ACSL6: variants seen among roughly 807,000 people sequenced by gnomAD.
ACSL6 encodes the protein long-chain-fatty-acid--CoA ligase 6.
ACSL6 carries 47 observed loss-of-function variants against 98.2 expected under a neutral mutation model. The ratio of observed to expected loss-of-function variants is 0.48; its 90% CI spans 0.38 to 0.61. The LOEUF (loss-of-function observed/expected upper bound fraction) is 0.61, where lower values mean the gene tolerates loss of function less well. ACSL6 is among the 20% of genes least tolerant of loss of function. ACSL6 has a pLI of 0.00. For missense variants in ACSL6, 761 were observed against 913.4 expected, an observed-to-expected ratio of 0.83 and a Z score of 2.15; for synonymous variants, 362 against 336.9, an observed-to-expected ratio of 1.07 and a Z score of -0.82.
intron 16 of ACSL6, 116 bp from the exon 17 acceptor site, chr5:131,966,648 A>G: frequency 1.2e-6 from 1 of 869,304 alleles, no homozygotes; most frequent in Non-Finnish European, 1.9e-6. Context: ...GCCACTGTGG[A>G]TATGGCAGGG....
At chr5:131,998,349 C>T (rs1297747134) in intron 1 of ACSL6, among the ~76,000 whole-genome samples, 1 of 152,180 alleles carries the variant, frequency 6.6e-6, no homozygotes, top group Non-Finnish European at 1.5e-5. Context: ...CTGGAATATC[C>T]GACATCTTTT....
chr5:131,967,908 C>T, intron 16 of ACSL6, 32 bp downstream of exon 16: 1 of 1,594,546 alleles, frequency 6.3e-7, no homozygotes, highest in Middle Eastern at 1.7e-4. Context: ...CATGTAGCAG[C>T]CACAGGCATG....
chr5:132,007,807 A>T (rs747485686), intron 1 of ACSL6, among the ~76,000 whole-genome samples: 9 of 152,204 alleles, frequency 5.9e-5, no homozygotes, highest in Non-Finnish European at 7.3e-5. Flanking sequence ...GGCTGGATAC[A>T]CAGTGTAGCT....
In ACSL6 at chr5:131,990,978, A is replaced by C. The variant is rs1580680947; in HGVS notation, c.271-11T>G. The C allele has an allele frequency of 6.2e-7, 1 of 1,613,614 alleles. No homozygotes were observed. The highest frequency in any genetic ancestry group is 1.7e-5 in the Admixed American group (1 of 60,008). On this transcript the variant is annotated splice_polypyrimidine_tract_variant and intron_variant, in intron 2 of 20. Coordinates refer to ENST00000651883, the MANE Select transcript of ACSL6 (RefSeq NM_001009185.3). ...TGCCCCGCCACTGTCCTACAAGCCA[A>C]GCACCGGCCAGAGAAGTTGGCTGAG...
intron 20 of ACSL6, among the ~76,000 whole-genome samples, chr5:131,957,195 A>G (rs1752457546): frequency 6.6e-6 from 1 of 152,228 alleles, no homozygotes; most frequent in South Asian, 2.1e-4. Context: ...AAAAAAAACA[A>G]TTACATGAGT....
intron 4 of ACSL6, 77 bp from the exon 5 acceptor site, chr5:131,989,585 T>C: frequency 3.1e-5 from 1 of 32,012 alleles, no homozygotes; most frequent in Non-Finnish European, 4.7e-5. Flanking sequence ...GAGGAATTCT[T>C]TTTTTTTTTT....
At chr5:131,984,529 C>T (rs1472107713) in intron 9 of ACSL6, 1 of 152,306 alleles carries the variant, frequency 6.6e-6, no homozygotes, top group African/African-American at 2.4e-5. Context: ...AGGGCACAGG[C>T]CCTGGTGCTT....
intron 2 of ACSL6, among the ~76,000 whole-genome samples, chr5:131,992,146 G>C (rs1412611155): frequency 6.6e-6 from 1 of 152,176 alleles, no homozygotes; most frequent in Non-Finnish European, 1.5e-5. Flanking sequence ...CCCTGCATAG[G>C]CAGCACCACA....
intron 13 of ACSL6, among the ~76,000 whole-genome samples, chr5:131,972,340 C>T (rs938080946): frequency 6.6e-6 from 1 of 152,058 alleles, no homozygotes; most frequent in Admixed American, 6.5e-5. Flanking sequence ...AGATTTTGAA[C>T]CATTTGGCTA....
chr5:131,986,943 A>G, intron 7 of ACSL6, 89 bp from the exon 8 acceptor site: 1 of 1,325,856 alleles, frequency 7.5e-7, no homozygotes, highest in South Asian at 1.2e-5. Context: ...TCTCTCACAC[A>G]CGCACATACA....
chr5:131,962,989 C>T (rs1321487423), intron 17 of ACSL6, among the ~76,000 whole-genome samples: 1 of 152,054 alleles, frequency 6.6e-6, no homozygotes, highest in African/African-American at 2.4e-5. Flanking sequence ...TCACCTCCTC[C>T]TTCTTGGAGG....
chr5:131,988,278 GCAGGCAGCATGTGCCAGGCAGCACATGC>G, intron 6 of ACSL6, 52 bp from the exon 7 acceptor site: 1 of 1,595,050 alleles, frequency 6.3e-7, no homozygotes, highest in South Asian at 1.1e-5. Flanking sequence ...GGTCATGAGT[GCAGGCAGCATGTGCCAGGCAGCACATGC>G]CAGGCAGCAC....
At position 131,975,036 on chromosome 5, in the gene ACSL6, A is replaced by G. The variant is rs140009457; in HGVS notation, c.991-66T>C. The G allele has an allele frequency of 4.7e-4, 739 of 1,560,452 alleles. 11 individuals carry two copies. The East Asian group carries it at 0.016, about 34-fold the overall frequency. On this transcript the variant is annotated intron_variant, in intron 10 of 20. Coordinates refer to ENST00000651883, the MANE Select transcript of ACSL6 (RefSeq NM_001009185.3). ...CTGACAGGAAGACGACAAGAGAATC[A>G]TAAAACAATAAAGAGAAAATGGTCC...
At chr5:131,991,825 A>G (rs1339668216) in intron 2 of ACSL6, among the ~76,000 whole-genome samples, 1 of 151,610 alleles carries the variant, frequency 6.6e-6, no homozygotes, top group African/African-American at 2.4e-5. Flanking sequence ...TAAGGAAAAA[A>G]ACATCTGTGA....
At chr5:131,958,651 A>G (rs114606198) in intron 20 of ACSL6, among the ~76,000 whole-genome samples, 1,729 of 152,302 alleles carry the variant, frequency 0.011, 24 homozygotes, top group African/African-American at 0.039. Context: ...ACTAAAAAAT[A>G]AAAATTTTAA....
At chr5:132,008,455 C>T (rs1755533593) in intron 1 of ACSL6, among the ~76,000 whole-genome samples, 8 of 152,220 alleles carry the variant, frequency 5.3e-5, no homozygotes, top group Admixed American at 5.2e-4. Flanking sequence ...GGGGGCTTAT[C>T]TCTTCTCCTT....
intron 4 of ACSL6, 147 bp from the exon 5 acceptor site, chr5:131,989,655 G>T: frequency 1.6e-6 from 1 of 606,964 alleles, no homozygotes; most frequent in Non-Finnish European, 2.7e-6. Flanking sequence ...GAGTGCAATG[G>T]CACAATCTCT....
rs188600834 is a variant in ACSL6 at position 131,980,262 on chromosome 5, C to G, written c.917-3541G>C. ...GTCTTCCTGCTAAAGGCTCTCAAAT[C>G]TTTAGGTCTGAGTCTTACTTTTATC... On this transcript the variant is annotated intron_variant, in intron 9 of 20. Transcript: ENST00000651883. Among the ~76,000 whole-genome samples, 55 of 152,268 alleles carry G rather than the reference C, an allele frequency of 3.6e-4. No individual in the cohort carries two copies. In the East Asian group the frequency reaches 9.8e-3, roughly 27 times the overall value.
intron 9 of ACSL6, 54 bp downstream of exon 9, chr5:131,985,353 C>T (rs1754118511): frequency 1.2e-6 from 2 of 1,607,304 alleles, no homozygotes; most frequent in African/African-American, 2.7e-5. Flanking sequence ...CCTGCTAGGC[C>T]ACCAGGGAAG....
Sources: gnomAD v4.1 joint callset for allele counts (sites outside exome capture counted in the v4.1 genomes callset) on GRCh38, gnomAD v4.1.1 for gene constraint, MANE v1.5 for transcripts, NCBI Gene and HGNC (gene_info 2026-07-23, HGNC 2026-07-21) for gene names.